The following ODAD2 variants were observed in gnomAD, a reference collection of about 807,000 sequenced individuals.
ODAD2 encodes the protein outer dynein arm-docking complex subunit 2.
A neutral mutation model predicts 106.8 loss-of-function variants in ODAD2; 89 were observed. The ratio of observed to expected loss-of-function variants is 0.83; its 90% CI spans 0.70 to 0.99. The LOEUF is 0.99. Among genes scored for constraint, ODAD2 ranks in the 50% least tolerant of loss-of-function variants. ODAD2 has a pLI of 0.00. For synonymous variants in ODAD2, 404 were observed against 436.2 expected, an observed-to-expected ratio of 0.93 and a Z score of 0.92; for missense variants, 1,168 against 1,238.5, an observed-to-expected ratio of 0.94 and a Z score of 0.85.
intron 19 of ODAD2, among the ~76,000 whole-genome samples, chr10:27,817,589 T>C (rs938849233): frequency 1.3e-5 from 2 of 152,190 alleles, no homozygotes; most frequent in African/African-American, 4.8e-5. Flanking sequence ...ACATGCAGTT[T>C]TGACTTTCTG....
At chr10:27,850,050 A>G (rs950586308) in intron 19 of ODAD2, among the ~76,000 whole-genome samples, 6 of 152,212 alleles carry the variant, frequency 3.9e-5, no homozygotes, top group Non-Finnish European at 7.3e-5. Flanking sequence ...TAAAGTGAAT[A>G]TTACAATAAT....
At chr10:27,838,053 T>A (rs1474426292) in intron 19 of ODAD2, among the ~76,000 whole-genome samples, 3 of 152,080 alleles carry the variant, frequency 2.0e-5, no homozygotes, top group Non-Finnish European at 2.9e-5. Flanking sequence ...AATGGATTAA[T>A]CCTGAAGAAA....
At chr10:27,824,890 G>C (rs1302306084) in intron 19 of ODAD2, among the ~76,000 whole-genome samples, 1 of 152,162 alleles carries the variant, frequency 6.6e-6, no homozygotes, top group Non-Finnish European at 1.5e-5. Flanking sequence ...GAACAAGCTG[G>C]ATTTTACTGA....
chr10:27,910,361 C>A (rs568598039), intron 16 of ODAD2, among the ~76,000 whole-genome samples: 2 of 152,246 alleles, frequency 1.3e-5, no homozygotes, highest in Non-Finnish European at 2.9e-5. Flanking sequence ...ATTAAACCTG[C>A]AATTCCAGAG....
intron 17 of ODAD2, among the ~76,000 whole-genome samples, chr10:27,896,659 G>C (rs1248895049): frequency 1.3e-5 from 2 of 152,096 alleles, no homozygotes; most frequent in African/African-American, 4.8e-5. Flanking sequence ...AGTACTCAGA[G>C]CAATGTGTTT....
rs139286144 is a variant in ODAD2 at position 27,952,549 on chromosome 10, A to G, written c.1387-7587T>C. 4.7e-3 allele frequency among the ~76,000 whole-genome samples: 719 copies of G among 152,152 alleles called. 9 individuals are homozygous for G. Among genetic ancestry groups the G allele is most frequent in the African/African-American group, 0.016 (679 of 41,514 alleles). On this transcript the variant is annotated intron_variant, in intron 10 of 19. Transcript: ENST00000305242. ...TGGCTATTTGTCCTAATGCTTGCCC[A>G]TCCCCTTTCCCTGACAGGCCCTGGT...
chr10:27,910,366 C>T (rs1027205747), intron 16 of ODAD2, among the ~76,000 whole-genome samples: 2 of 152,080 alleles, frequency 1.3e-5, no homozygotes, highest in Non-Finnish European at 2.9e-5. Flanking sequence ...ACCTGCAATT[C>T]CAGAGCTCGG....
At chr10:27,834,425 T>C (rs1184789490) in intron 19 of ODAD2, among the ~76,000 whole-genome samples, 1 of 152,114 alleles carries the variant, frequency 6.6e-6, no homozygotes, top group Non-Finnish European at 1.5e-5. Context: ...GCATGCATCA[T>C]TTCTCACTTC....
intron 17 of ODAD2, among the ~76,000 whole-genome samples, chr10:27,892,244 A>T (rs1033863328): frequency 2.6e-5 from 4 of 152,190 alleles, no homozygotes; most frequent in Non-Finnish European, 1.5e-5. Context: ...CTTTTCTTAG[A>T]CATAACACAG....
chr10:27,942,027 G>C (rs949844742), intron 12 of ODAD2, among the ~76,000 whole-genome samples: 23 of 152,288 alleles, frequency 1.5e-4, no homozygotes, highest in Middle Eastern at 3.4e-3. Context: ...AGGCTTCCAG[G>C]TACTGACTGC....
chr10:27,968,900 C>T (rs1848647106), intron 9 of ODAD2, 23 bp downstream of exon 9: 2 of 580,490 alleles, frequency 3.4e-6, no homozygotes, highest in African/African-American at 2.2e-5. Flanking sequence ...TTAGGGAACT[C>T]GTCTTGCTGA....
chr10:27,841,747 A>G (rs1490364235), intron 19 of ODAD2, among the ~76,000 whole-genome samples: 2 of 151,482 alleles, frequency 1.3e-5, no homozygotes, highest in Non-Finnish European at 2.9e-5. Flanking sequence ...AAGAGTGATC[A>G]TCTTTTTTTG....
intron 19 of ODAD2, among the ~76,000 whole-genome samples, chr10:27,816,360 G>C (rs1288318936): frequency 6.6e-6 from 1 of 152,186 alleles, no homozygotes; most frequent in Non-Finnish European, 1.5e-5. Flanking sequence ...CTGTATGAGG[G>C]AAACAGGGAA....
At position 27,971,221 on chromosome 10, in the gene ODAD2, A is replaced by G. The variant is rs997432820; in HGVS notation, c.1029T>C (p.Ile343=). 3.1e-6 allele frequency: 5 copies of G among 1,613,818 alleles called. No homozygotes were observed. The African/African-American group carries it at 4.0e-5, about 13-fold the overall frequency. The part of the protein sequence containing the change: ...KEEAAALRKD[I]SGSDKRSLEK... ...CCAGTGACCTTTTGTCTGAACCAGA[A>G]ATGTCTTTGCGGAGGGCAGCTGCTT... is the stretch of plus-strand genomic sequence containing the variant. Residue 343 remains isoleucine (I), a synonymous_variant, in exon 8 of 20, where the codon ATT becomes ATC. Transcript: ENST00000305242.
At chr10:27,832,268 C>A (rs1228137058) in intron 19 of ODAD2, among the ~76,000 whole-genome samples, 1 of 152,206 alleles carries the variant, frequency 6.6e-6, no homozygotes, top group East Asian at 1.9e-4. Context: ...TTTGCCTGGA[C>A]ACAATGTCTC....
At chr10:27,905,417 A>G (rs1843517467) in intron 17 of ODAD2, among the ~76,000 whole-genome samples, 1 of 152,186 alleles carries the variant, frequency 6.6e-6, no homozygotes, top group African/African-American at 2.4e-5. Context: ...GGAAGAAACA[A>G]TATCATGAAA....
intron 14 of ODAD2, among the ~76,000 whole-genome samples, chr10:27,938,190 C>T (rs1435120829): frequency 2.0e-5 from 3 of 152,122 alleles, no homozygotes; most frequent in South Asian, 2.1e-4. Flanking sequence ...CCACACACCT[C>T]GGCCTCCCAA....
chr10:27,929,506 G>T (rs944567049), intron 16 of ODAD2, among the ~76,000 whole-genome samples: 2 of 152,042 alleles, frequency 1.3e-5, no homozygotes, highest in Non-Finnish European at 2.9e-5. Flanking sequence ...ATATTTAAAT[G>T]AATTCAAAGG....
At chr10:27,975,830 A>C (rs2133043505) in intron 7 of ODAD2, among the ~76,000 whole-genome samples, 1 of 152,286 alleles carries the variant, frequency 6.6e-6, no homozygotes, top group South Asian at 2.1e-4. Flanking sequence ...TCAATACCAA[A>C]ACCAGACAAA....
Sources: gnomAD v4.1 joint callset for allele counts (sites outside exome capture counted in the v4.1 genomes callset) on GRCh38, gnomAD v4.1.1 for gene constraint, MANE v1.5 for transcripts, NCBI Gene and HGNC (gene_info 2026-07-23, HGNC 2026-07-21) for gene names.